BDP1: variants seen among roughly 807,000 people sequenced by gnomAD.
The protein encoded by BDP1 is transcription factor TFIIIB component B'' homolog.
BDP1 carries 169 observed loss-of-function variants against 266.6 expected under a neutral mutation model. The ratio of observed to expected loss-of-function variants is 0.63; its 90% CI spans 0.56 to 0.72. BDP1 has a LOEUF of 0.72. Among genes scored for constraint, BDP1 ranks in the 30% least tolerant of loss-of-function variants. The probability of loss-of-function intolerance (pLI) is 0.00; values close to 1 mark genes in which losing one functional copy is unlikely to be tolerated. For synonymous variants in BDP1, 1,090 were observed against 1,022.4 expected (o/e 1.07, Z -1.26); for missense variants, 3,015 against 3,053.8 (o/e 0.99, Z 0.30).
rs35126870 is a variant in BDP1, at chr5:71,532,424, G to C, written c.5889G>C (p.Pro1963=). 21 of 1,612,498 alleles carry C rather than the reference G, an allele frequency of 1.3e-5. No homozygotes were observed. The highest frequency in any genetic ancestry group is 1.7e-5 in the Non-Finnish European group (20 of 1,179,374). The change falls in exon 26 of 39, where the codon CCG becomes CCC. Residue 1963 remains proline (P), a synonymous_variant. Coordinates refer to ENST00000358731, the MANE Select transcript of BDP1 (RefSeq NM_018429.3). ...AACAAGAAGAAAATTTGAGTGTACC[G>C]TTTGTAAGCATCCATTTTAATATGT... is the stretch of plus-strand genomic sequence containing the variant. ...EMKQEENLSV[P]FEMTTSEHIQ... is the part of the protein sequence containing the mutation.
rs1220119312 is a variant in BDP1, at chr5:71,542,146, G to A, written c.6293G>A (p.Ser2098Asn). The A allele has an allele frequency of 3.1e-6, 5 of 1,609,748 alleles. No individual in the cohort carries two copies. In the Admixed American group the frequency reaches 8.5e-5, roughly 27 times the overall value. The change falls in exon 30 of 39, where the codon AGT becomes AAT. Residue 2098 changes from serine (S) to asparagine (N), a missense_variant. Physicochemically the swap from Ser to Asn is conservative, Grantham distance 46. This residue lies in a region of BDP1 where 629 missense variants were observed against 632.5 expected (regional missense o/e 0.99). Transcript: ENST00000358731. ...GTGACCAGTAATTTGAGAATAAGAA[G>A]TAGGCTTGCTAAGCCTAAACCAAAT... ...SKVTSNLRIR[S>N]RLAKPKPNLE...
chr5:71,545,693 T>C (rs1742245689), intron 32 of BDP1, among the ~76,000 whole-genome samples: 1 of 152,110 alleles, frequency 6.6e-6, no homozygotes, highest in South Asian at 2.1e-4. Flanking sequence ...ATGTAACCAA[T>C]ACATGAACAG....
chr5:71,508,646 G>A (rs773919501), intron 16 of BDP1, among the ~76,000 whole-genome samples: 12 of 152,132 alleles, frequency 7.9e-5, no homozygotes, highest in Middle Eastern at 3.4e-3. Context: ...CGACATGGCC[G>A]AATACAATCT....
Position 71,525,611 on chromosome 5 carries a change from G to A in BDP1, c.5772+1288G>A, listed in dbSNP as rs1354660667. Among the ~76,000 whole-genome samples, 33 of 125,554 alleles carry A rather than the reference G, an allele frequency of 2.6e-4. 1 individual carries two copies. The highest frequency in any genetic ancestry group is 5.3e-4 in the Non-Finnish European group (30 of 56,224). The allele number at this position is 125,554 out of a possible 152,430, so 82.4% of individuals were successfully genotyped here. A position where few individuals can be genotyped will look rare whatever the true frequency, so the allele number is the denominator to read the frequency against. ...GGGCTGACCCCCCAACCTCCTTCCC[G>A]GACGGGGCGGCTGGCCGGGCGGGGG... On this transcript the variant is annotated intron_variant, in intron 25 of 38. Coordinates refer to ENST00000358731, the MANE Select transcript of BDP1 (RefSeq NM_018429.3).
intron 33 of BDP1, among the ~76,000 whole-genome samples, chr5:71,548,978 A>T (rs897269698): frequency 6.6e-6 from 1 of 152,144 alleles, no homozygotes; most frequent in Non-Finnish European, 1.5e-5. Context: ...TTCTTGGGCC[A>T]GTCATGGTGG....
At chr5:71,493,486 A>G (rs1209866545) in intron 11 of BDP1, among the ~76,000 whole-genome samples, 1 of 152,148 alleles carries the variant, frequency 6.6e-6, no homozygotes. Flanking sequence ...CCTGGGCTCA[A>G]GCAATCCTCG....
chr5:71,522,914 A>C lies in BDP1; in HGVS notation c.5352A>C (p.Ser1784=). The C allele has an allele frequency of 6.2e-7, 1 of 1,604,790 alleles. No individual in the cohort carries two copies. The highest frequency in any genetic ancestry group is 8.5e-7 in the Non-Finnish European group (1 of 1,177,218). ...CTGTAGGAGATAATTCACCATCTTC[A>C]GTTGTTGAAGAGCAATATCTCAATA... ...EETVGDNSPS[S]VVEEQYLNKL... The change falls in exon 24 of 39, where the codon TCA becomes TCC. Residue 1784 remains serine (S), a synonymous_variant. Coordinates refer to ENST00000358731, the MANE Select transcript of BDP1 (RefSeq NM_018429.3).
At chr5:71,528,002 G>A (rs556777245) in intron 25 of BDP1, among the ~76,000 whole-genome samples, 1 of 152,096 alleles carries the variant, frequency 6.6e-6, no homozygotes, top group South Asian at 2.1e-4. Context: ...TGTATTTTTA[G>A]TAGAGGTGGG....
chr5:71,468,354 T>C (rs980177649), intron 6 of BDP1, among the ~76,000 whole-genome samples: 4 of 151,226 alleles, frequency 2.6e-5, no homozygotes, highest in Non-Finnish European at 5.9e-5. Context: ...AAGGTCTCAG[T>C]ATGTTGCCCA....
intron 7 of BDP1, among the ~76,000 whole-genome samples, chr5:71,472,347 G>C (rs796995069): frequency 4.6e-5 from 7 of 152,316 alleles, no homozygotes; most frequent in African/African-American, 1.4e-4. Context: ...TGTAATCCCA[G>C]CTACTCGGGA....
intron 13 of BDP1, 49 bp downstream of exon 13, chr5:71,497,475 T>C: frequency 1.4e-6 from 2 of 1,471,102 alleles, no homozygotes; most frequent in Non-Finnish European, 1.8e-6. Context: ...AAATTTTCTT[T>C]AGATAGTTGG....
intron 16 of BDP1, among the ~76,000 whole-genome samples, chr5:71,506,348 A>G (rs1345295364): frequency 1.3e-5 from 2 of 152,160 alleles, no homozygotes; most frequent in African/African-American, 2.4e-5. Flanking sequence ...AGCAATTCTA[A>G]GATTCTGTGT....
In BDP1 at chr5:71,524,094, G is replaced by A. The variant is rs1765645980; in HGVS notation, c.5543G>A (p.Arg1848Gln). The change falls in exon 25 of 39, where the codon CGA (arginine) becomes CAA (glutamine). Residue 1848 changes from arginine to glutamine, a missense_variant. Arg to Gln is a conservative substitution (Grantham distance 43). Transcript: ENST00000358731. Reference sequence around the variant, plus strand: ...GTCACCAGAGGTCGTGGATCAAAACGAGTTCGGGGTAAGACCTCTAAGAAG... The same window carrying A: ...GTCACCAGAGGTCGTGGATCAAAACAAGTTCGGGGTAAGACCTCTAAGAAG... Reference protein sequence around the residue: ...PNVTRGRGSKRVRGKTSKKEP... With the variant: ...PNVTRGRGSKQVRGKTSKKEP... The A allele has an allele frequency of 1.2e-6, 2 of 1,614,176 alleles. No individual in the cohort carries two copies. The highest frequency in any genetic ancestry group is 2.2e-5 in the East Asian group (1 of 44,874).
At chr5:71,553,960 C>T (rs1235733107) in intron 35 of BDP1, among the ~76,000 whole-genome samples, 5 of 152,252 alleles carry the variant, frequency 3.3e-5, no homozygotes, top group South Asian at 4.1e-4. Flanking sequence ...CAGGGAAGTC[C>T]GGCCAGACCA....
chr5:71,548,595 C>T, intron 32 of BDP1, 87 bp from the exon 33 acceptor site: 1 of 804,296 alleles, frequency 1.2e-6, no homozygotes, highest in Admixed American at 1.9e-5. Context: ...TTGAGTTAAT[C>T]TCTTCACTAT....
At chr5:71,478,344 GA>G (rs1713438668) in intron 7 of BDP1, among the ~76,000 whole-genome samples, 1 of 152,082 alleles carries the variant, frequency 6.6e-6, no homozygotes, top group South Asian at 2.1e-4. Flanking sequence ...AAATCAAGTA[GA>G]AAAAAGCTAG....
intron 17 of BDP1, 21 bp downstream of exon 17, chr5:71,511,172 TAA>T: frequency 6.4e-7 from 1 of 1,569,876 alleles, no homozygotes; most frequent in Non-Finnish European, 8.6e-7. Context: ...TTCTGTCCTT[TAA>T]AAGTTTTTTG....
chr5:71,464,846 G>A (rs367698481), intron 4 of BDP1, among the ~76,000 whole-genome samples: 1 of 147,642 alleles, frequency 6.8e-6, no homozygotes. Context: ...AGCCTCCCGA[G>A]CAGCTGGGAC....
intron 37 of BDP1, among the ~76,000 whole-genome samples, chr5:71,561,295 G>A (rs918282050): frequency 9.9e-5 from 15 of 152,108 alleles, no homozygotes; most frequent in African/African-American, 3.6e-4. Context: ...CAGTGACTCA[G>A]GAGGCTGAGG....
Sources: gnomAD v4.1 joint callset for allele counts (sites outside exome capture counted in the v4.1 genomes callset) on GRCh38, gnomAD v4.1.1 for gene constraint, gnomAD v4.1.1 regional missense constraint, MANE v1.5 for transcripts, NCBI Gene and HGNC (gene_info 2026-07-23, HGNC 2026-07-21) for gene names.